Variants in ARSB observed in about 807,000 individuals in gnomAD.
The protein encoded by ARSB is N-acetylgalactosamine-4-sulfatase.
Under a neutral mutation model 50.9 loss-of-function variants are expected in ARSB, and 41 were observed. The ratio of observed to expected loss-of-function variants is 0.81; its 90% CI spans 0.63 to 1.04. The LOEUF (loss-of-function observed/expected upper bound fraction) is 1.04. Ranked by LOEUF, ARSB falls within the 50% of genes least tolerant of loss-of-function variation. The pLI is 0.00. For synonymous variants in ARSB, 269 were observed against 284.8 expected, an observed-to-expected ratio of 0.94 and a Z score of 0.56; for missense variants, 672 against 693.3, an observed-to-expected ratio of 0.97 and a Z score of 0.35.
intron 6 of ARSB, among the ~76,000 whole-genome samples, chr5:78,821,761 A>G (rs3857405): frequency 0.67 from 102,436 of 152,172 alleles, 35,103 homozygotes; most frequent in African/African-American, 0.79. Context: ...TCCCACTAGA[A>G]TTAAATATGC....
At chr5:78,817,536 C>A (rs1580998217) in intron 6 of ARSB, among the ~76,000 whole-genome samples, 1 of 152,054 alleles carries the variant, frequency 6.6e-6, no homozygotes, top group African/African-American at 2.4e-5. Context: ...AGGCCGGGCG[C>A]GGTGGCTCAC....
intron 5 of ARSB, among the ~76,000 whole-genome samples, chr5:78,844,042 C>T (rs558322500): frequency 2.6e-5 from 4 of 152,056 alleles, no homozygotes; most frequent in Non-Finnish European, 5.9e-5. Flanking sequence ...TGTGGGCATT[C>T]GTTTTCATAT....
intron 3 of ARSB, among the ~76,000 whole-genome samples, 182 bp from the exon 4 acceptor site, chr5:78,955,684 C>T (rs1751693423): frequency 6.6e-6 from 1 of 152,164 alleles, no homozygotes; most frequent in East Asian, 1.9e-4. Context: ...ATAAAGAACC[C>T]TTACAACTCA....
At chr5:78,830,114 T>G (rs1744604935) in intron 6 of ARSB, among the ~76,000 whole-genome samples, 1 of 152,178 alleles carries the variant, frequency 6.6e-6, no homozygotes, top group Non-Finnish European at 1.5e-5. Context: ...TCAACTATAA[T>G]TAACAGGCTA....
intron 4 of ARSB, among the ~76,000 whole-genome samples, chr5:78,915,883 C>G (rs1361214303): frequency 1.3e-5 from 2 of 152,190 alleles, no homozygotes; most frequent in African/African-American, 4.8e-5. Context: ...GAACCTTCCA[C>G]TTGTGGCATC....
At chr5:78,851,142 T>C (rs1449348459) in intron 5 of ARSB, among the ~76,000 whole-genome samples, 1 of 152,232 alleles carries the variant, frequency 6.6e-6, no homozygotes, top group Non-Finnish European at 1.5e-5. Flanking sequence ...GTTGTTTTAA[T>C]TGTGATGTTA....
chr5:78,793,759 A>G (rs1169774837), intron 6 of ARSB, among the ~76,000 whole-genome samples: 2 of 152,186 alleles, frequency 1.3e-5, no homozygotes, highest in African/African-American at 4.8e-5. Flanking sequence ...TGTTGTGGCT[A>G]GGGATGGGGG....
chr5:78,869,577 G>A (rs1464502734), intron 5 of ARSB, among the ~76,000 whole-genome samples: 4 of 151,604 alleles, frequency 2.6e-5, no homozygotes, highest in African/African-American at 4.8e-5. Context: ...GGTACATAAC[G>A]AAATGAAGGC....
chr5:78,913,852 TA>T (rs1228530165), intron 4 of ARSB, among the ~76,000 whole-genome samples: 1 of 152,156 alleles, frequency 6.6e-6, no homozygotes, highest in Admixed American at 6.5e-5. Context: ...CTCATGTTTT[TA>T]AAAAAATTTT....
At chr5:78,913,730 G>A (rs1561498357) in intron 4 of ARSB, among the ~76,000 whole-genome samples, 3 of 152,114 alleles carry the variant, frequency 2.0e-5, no homozygotes, top group Admixed American at 2.0e-4. Context: ...ATGTGTACAT[G>A]TTTATACCAA....
chr5:78,956,997 G>A (rs978491049), intron 3 of ARSB, among the ~76,000 whole-genome samples: 1 of 144,990 alleles, frequency 6.9e-6, no homozygotes, highest in African/African-American at 2.4e-5. Context: ...CCAAACATAA[G>A]ACCAGTTTAA....
chr5:78,968,164 T>C (rs752655475), intron 2 of ARSB, among the ~76,000 whole-genome samples: 49 of 151,870 alleles, frequency 3.2e-4, no homozygotes, highest in Non-Finnish European at 6.0e-4. Flanking sequence ...TCCCCAACTT[T>C]GTGATTGCAA....
intron 6 of ARSB, among the ~76,000 whole-genome samples, chr5:78,812,487 A>G (rs540869091): frequency 6.6e-6 from 1 of 152,318 alleles, no homozygotes; most frequent in South Asian, 2.1e-4. Flanking sequence ...CTACACAACA[A>G]TCAAATCAAT....
chr5:78,850,631 A>G (rs1745721834), intron 5 of ARSB, among the ~76,000 whole-genome samples: 1 of 152,220 alleles, frequency 6.6e-6, no homozygotes, highest in Non-Finnish European at 1.5e-5. Context: ...TTCAGAAGGA[A>G]TGGTACCAGT....
At chr5:78,856,536 A>G (rs1746151114) in intron 5 of ARSB, among the ~76,000 whole-genome samples, 1 of 152,228 alleles carries the variant, frequency 6.6e-6, no homozygotes, top group Non-Finnish European at 1.5e-5. Flanking sequence ...TGTGTATACC[A>G]AAGTGGGTTG....
rs1750460677 is a variant in ARSB, at chr5:78,933,842, A to G, written c.898+21453T>C. On this transcript the variant is annotated intron_variant, in intron 4 of 7. Coordinates refer to ENST00000264914, the MANE Select transcript of ARSB (RefSeq NM_000046.5). ...AACTAGCTGACCTAAATATAGGGAG[A>G]TTATCCTGGATTATTGGAGAGGGCA... Among the ~76,000 whole-genome samples the G allele has an allele frequency of 1.3e-5, 2 of 152,178 alleles. 1 individual carries two copies. The highest frequency in any genetic ancestry group is 2.9e-5 in the Non-Finnish European group (2 of 68,028).
chr5:78,812,629 AC>A (rs1230350428), intron 6 of ARSB, among the ~76,000 whole-genome samples: 1 of 136,294 alleles, frequency 7.3e-6, no homozygotes, highest in African/African-American at 2.6e-5. Context: ...ACACACACAC[AC>A]ATGATATCAC....
chr5:78,789,760 A>G (rs1749187222), intron 6 of ARSB, among the ~76,000 whole-genome samples: 1 of 152,212 alleles, frequency 6.6e-6, no homozygotes, highest in Non-Finnish European at 1.5e-5. Context: ...CATAATACAG[A>G]TGAGGCATTG....
intron 6 of ARSB, among the ~76,000 whole-genome samples, chr5:78,834,745 G>A (rs11746616): frequency 0.26 from 38,611 of 149,690 alleles, 5,592 homozygotes; most frequent in Middle Eastern, 0.41. Flanking sequence ...CTACAAACAT[G>A]AGTGTACAAA....
Sources: gnomAD v4.1 joint callset for allele counts (sites outside exome capture counted in the v4.1 genomes callset) on GRCh38, gnomAD v4.1.1 for gene constraint, MANE v1.5 for transcripts, NCBI Gene and HGNC (gene_info 2026-07-23, HGNC 2026-07-21) for gene names.